The following CNTN2 variants were observed in gnomAD, a reference collection of about 807,000 sequenced individuals.
CNTN2 encodes contactin-2.
In CNTN2, 53 loss-of-function variants were observed where a neutral mutation model predicts 117.5. That is an observed-to-expected ratio of 0.45 (90% CI 0.36 to 0.57). CNTN2 has a LOEUF of 0.57. Among genes scored for constraint, CNTN2 ranks in the 20% least tolerant of loss-of-function variants. The probability of loss-of-function intolerance (pLI) is 0.00; values close to 1 mark genes in which losing one functional copy is unlikely to be tolerated. For synonymous variants in CNTN2, 530 were observed against 561.7 expected (o/e 0.94, Z 0.80); for missense variants, 1,106 against 1,404.3 (o/e 0.79, Z 3.39).
At chr1:205,064,534 T>A in intron 11 of CNTN2, 62 bp downstream of exon 11, 1 of 1,594,086 alleles carries the variant, frequency 6.3e-7, no homozygotes, top group Non-Finnish European at 8.6e-7. Flanking sequence ...GGAGGCCAAT[T>A]CCCCTCCTGT....
In CNTN2 at chr1:205,070,025, G is replaced by A. The variant is rs766215909; in HGVS notation, c.2395G>A (p.Glu799Lys). The change falls in exon 18 of 23, where the codon GAG becomes AAG. Residue 799 changes from glutamate (E) to lysine (K), a missense_variant. Glu to Lys is a moderately conservative substitution (Grantham distance 56). Coordinates refer to ENST00000331830, the MANE Select transcript of CNTN2 (RefSeq NM_005076.5). ...RSYNRRGDGP[E>K]SLTALVYSAE... ...CTACAACCGCCGCGGGGATGGGCCC[G>A]AGAGCCTCACTGCACTCGTGTACTC... 2.5e-6 allele frequency: 4 copies of A among 1,613,800 alleles called. No individual in the cohort carries two copies. The highest frequency in any genetic ancestry group is 2.5e-6 in the Non-Finnish European group (3 of 1,180,034).
In CNTN2 at chr1:205,053,100, G is replaced by GTCCTT. The variant is rs2096455712; in HGVS notation, c.-83_-79dup. ...CCCTCCTTTCTGTCTGCCTCCCCAG[G>GTCCTT]TCCTTTCTCAGCCTCCAGCTGGGCT... On this transcript the variant is annotated splice_region_variant and 5_prime_UTR_variant, in exon 2 of 23. Coordinates refer to ENST00000331830, the MANE Select transcript of CNTN2 (RefSeq NM_005076.5). The GTCCTT allele has an allele frequency of 9.8e-7, 1 of 1,019,596 alleles. No homozygotes were observed. The highest frequency in any genetic ancestry group is 1.4e-6 in the Non-Finnish European group (1 of 700,628). 63.2% of individuals were successfully genotyped at this position (1,019,596 alleles called of 1,614,324 possible).
rs1405985965 is a variant in CNTN2, at chr1:205,064,663, A to G, written c.1432A>G (p.Ile478Val). The G allele has an allele frequency of 1.2e-6, 2 of 1,614,178 alleles. No homozygotes were observed. The highest frequency in any genetic ancestry group is 2.2e-5 in the East Asian group (1 of 44,882). ...AGATGGCACCTTGATCATAAGAAAC[A>G]TCAGCCGGTCAGATGAAGGCAAATA... Reference protein sequence around the residue: ...TPDGTLIIRNISRSDEGKYTC... With the variant: ...TPDGTLIIRNVSRSDEGKYTC... Residue 478 changes from isoleucine to valine, a missense_variant, in exon 12 of 23, where the codon ATC becomes GTC. Transcript: ENST00000331830.
chr1:205,049,495 C>T (rs1375664305), intron 1 of CNTN2, among the ~76,000 whole-genome samples: 2 of 152,108 alleles, frequency 1.3e-5, no homozygotes, highest in African/African-American at 2.4e-5. Context: ...CACAGACGCG[C>T]ACACACACCC....
At chr1:205,051,366 T>G (rs115242946) in intron 1 of CNTN2, among the ~76,000 whole-genome samples, 4 of 152,168 alleles carry the variant, frequency 2.6e-5, no homozygotes, top group African/African-American at 9.7e-5. Context: ...GGATGAGACA[T>G]GGACAGGGCC....
rs4017875 is a variant in CNTN2 at position 205,048,910 on chromosome 1, CGTGTGT to C, written c.-86-4145_-86-4140del. The stretch of plus-strand genomic sequence containing the variant: ...GCTCCAGCCTTTAGCCCAGACTCTG[CGTGTGT>C]GTGTGTGTGTGTGTGTGTGTGTGTG... On this transcript the variant is annotated intron_variant, in intron 1 of 22. Transcript: ENST00000331830. The surrounding 1 kb of genome is among the most constrained non-coding windows in gnomAD (Gnocchi z 4.1). 0.11 allele frequency among the ~76,000 whole-genome samples: 13,846 copies of C among 127,686 alleles called. 803 individuals carry two copies. Among genetic ancestry groups the C allele is most frequent in the East Asian group, 0.24 (1,003 of 4,136 alleles). The allele number at this position is 127,686 out of a possible 152,430, so 83.8% of individuals were successfully genotyped here.
In CNTN2 at chr1:205,048,772, C is replaced by T. The variant is rs1390029298; in HGVS notation, c.-86-4328C>T. Among the ~76,000 whole-genome samples the T allele has an allele frequency of 2.6e-5, 4 of 152,176 alleles. No homozygotes were observed. Among genetic ancestry groups the T allele is most frequent in the Non-Finnish European group, 4.4e-5 (3 of 68,028 alleles). ...CTCTGTAGAGGCAGTAATTTTATTA[C>T]TGTCTCCCCTGTGCTTAGCACAATG... On this transcript the variant is annotated intron_variant, in intron 1 of 22. Coordinates refer to ENST00000331830, the MANE Select transcript of CNTN2 (RefSeq NM_005076.5). This position sits in a 1 kb window ranked among gnomAD's most constrained non-coding sequence, Gnocchi z 4.1.
Position 205,061,335 on chromosome 1 carries a change from C to T in CNTN2, c.888C>T (p.Val296=), listed in dbSNP as rs1241754708. 1.2e-6 allele frequency: 2 copies of T among 1,614,104 alleles called. No individual in the cohort carries two copies. The highest frequency in any genetic ancestry group is 2.7e-5 in the African/African-American group (2 of 75,052). Reference sequence around the variant, plus strand: ...AGCCCACCCTGCAGATCCCCAGCGTCAGCTTTGAGGATGAGGGCACCTACG... The same window carrying T: ...AGCCCACCCTGCAGATCCCCAGCGTTAGCTTTGAGGATGAGGGCACCTACG... ...TAEPTLQIPS[V]SFEDEGTYEC... is the part of the protein sequence containing the mutation. Residue 296 remains valine (V), a synonymous_variant, in exon 8 of 23, where the codon GTC becomes GTT. Coordinates refer to ENST00000331830, the MANE Select transcript of CNTN2 (RefSeq NM_005076.5). This position sits in a 1 kb window ranked among gnomAD's most constrained non-coding sequence, Gnocchi z 4.8.
intron 1 of CNTN2, among the ~76,000 whole-genome samples, chr1:205,044,828 GCC>G (rs949774356): frequency 3.3e-5 from 5 of 152,176 alleles, no homozygotes; most frequent in African/African-American, 7.2e-5. Flanking sequence ...CACAACAGGT[GCC>G]CTCACTCCTG....
At position 205,058,074 on chromosome 1, in the gene CNTN2, T is replaced by G. The variant is rs1251582384; in HGVS notation, c.215+9T>G. 1 of 1,612,742 alleles carries G rather than the reference T, an allele frequency of 6.2e-7. No homozygotes were observed. Among genetic ancestry groups the G allele is most frequent in the Non-Finnish European group, 8.5e-7 (1 of 1,179,604 alleles). On this transcript the variant is annotated intron_variant, in intron 3 of 22. Coordinates refer to ENST00000331830, the MANE Select transcript of CNTN2 (RefSeq NM_005076.5). The surrounding 1 kb of genome is among the most constrained non-coding windows in gnomAD (Gnocchi z 4.3). ...CCTCCAGCCACCTATCGGTAAGGCCTCTGCAGTGGGTGCTGGGAGGCCCTG... is the reference window on the plus strand; with the variant it reads ...CCTCCAGCCACCTATCGGTAAGGCCGCTGCAGTGGGTGCTGGGAGGCCCTG...
Position 205,059,384 on chromosome 1 carries a change from C to A in CNTN2, c.697+91C>A, listed in dbSNP as rs977108952. ...GTTTTTCCTTTGGAGATTGGAAGAT[C>A]AGCTTGCAGGGCACTGATTCCAGGC... is the stretch of plus-strand genomic sequence containing the variant. On this transcript the variant is annotated intron_variant, in intron 6 of 22. Transcript: ENST00000331830. The surrounding 1 kb of genome is among the most constrained non-coding windows in gnomAD (Gnocchi z 5.6). 38 of 1,350,908 alleles carry A rather than the reference C, an allele frequency of 2.8e-5. No individual in the cohort carries two copies. The highest frequency in any genetic ancestry group is 3.7e-5 in the Non-Finnish European group (36 of 970,404). 83.7% of individuals were successfully genotyped at this position (1,350,908 alleles called of 1,614,324 possible). A position where few individuals can be genotyped will look rare whatever the true frequency, so the allele number is the denominator to read the frequency against.
rs1350337409 is a variant in CNTN2 at position 205,078,235 on chromosome 1, G to T, written c.*4470G>T. ...CAGAGCACAGGCAGGCATTTGGCTA[G>T]AATCAGTTGGCTTTACCTAATACAG... On this transcript the variant is annotated 3_prime_UTR_variant, in exon 23 of 23. Transcript: ENST00000331830. 1 of 152,292 alleles carries T rather than the reference G, an allele frequency of 6.6e-6. No individual in the cohort carries two copies. The highest frequency in any genetic ancestry group is 1.5e-5 in the Non-Finnish European group (1 of 68,082). 9.4% of individuals were successfully genotyped at this position (152,292 alleles called of 1,614,324 possible).
intron 1 of CNTN2, among the ~76,000 whole-genome samples, chr1:205,043,694 T>C (rs1009880809): frequency 2.0e-5 from 3 of 152,126 alleles, no homozygotes; most frequent in Admixed American, 2.0e-4. Flanking sequence ...CAGCGGGCAG[T>C]GGCAGCTGCC....
chr1:205,059,755 CAG>C lies in CNTN2; in HGVS notation c.797+76_797+77del, dbSNP rs35182846. 536,269 of 1,250,506 alleles carry C rather than the reference CAG, an allele frequency of 0.43. 128,447 individuals are homozygous for C. Among genetic ancestry groups the C allele is most frequent in the Non-Finnish European group, 0.5 (428,694 of 852,018 alleles). 77.5% of individuals were successfully genotyped at this position (1,250,506 alleles called of 1,614,324 possible). A position where few individuals can be genotyped will look rare whatever the true frequency, so the allele number is the denominator to read the frequency against. On this transcript the variant is annotated intron_variant, in intron 7 of 22. Coordinates refer to ENST00000331830, the MANE Select transcript of CNTN2 (RefSeq NM_005076.5). The surrounding 1 kb of genome is among the most constrained non-coding windows in gnomAD (Gnocchi z 5.6). Reference sequence around the variant, plus strand: ...CAGGTGACCCCAGGGTGAGGGCAGGCAGAGTCAGGGCTCTTATCTTGGTGTCC... The same window carrying C: ...CAGGTGACCCCAGGGTGAGGGCAGGCAGTCAGGGCTCTTATCTTGGTGTCC...
intron 2 of CNTN2, 75 bp downstream of exon 2, chr1:205,053,330 A>AT: frequency 7.9e-7 from 1 of 1,261,396 alleles, no homozygotes; most frequent in Non-Finnish European, 1.1e-6. Flanking sequence ...GATTTGGGTG[A>AT]CGATTACAGA....
Position 205,073,558 on chromosome 1 carries a change from TG to T in CNTN2, c.3014-96del. On this transcript the variant is annotated intron_variant, in intron 22 of 22. Transcript: ENST00000331830. This position sits in a 1 kb window ranked among gnomAD's most constrained non-coding sequence, Gnocchi z 6.3. ...AGCCGTCCGCTCCCAGGCCTGCAGCTGGCCCTGTGAGTCTCCTTAGGAAAGG... is the reference window on the plus strand; with the variant it reads ...AGCCGTCCGCTCCCAGGCCTGCAGCTGCCCTGTGAGTCTCCTTAGGAAAGG... The T allele has an allele frequency of 9.2e-7, 1 of 1,086,814 alleles. No homozygotes were observed. The highest frequency in any genetic ancestry group is 1.4e-6 in the Non-Finnish European group (1 of 737,106). 67.3% of individuals were successfully genotyped at this position (1,086,814 alleles called of 1,614,324 possible).
Position 205,073,323 on chromosome 1 carries a change from C to G in CNTN2, c.3013+87C>G. ...AGGATCATTCCCACCCAGGCCAACT[C>G]CAATCTCTACCCGCAAAGGAAAGTG... On this transcript the variant is annotated intron_variant, in intron 22 of 22. Coordinates refer to ENST00000331830, the MANE Select transcript of CNTN2 (RefSeq NM_005076.5). The surrounding 1 kb of genome is among the most constrained non-coding windows in gnomAD (Gnocchi z 6.3). 6.8e-7 allele frequency: 1 copy of G among 1,469,186 alleles called. No individual in the cohort carries two copies. The allele number at this position is 1,469,186 out of a possible 1,614,324, so 91.0% of individuals were successfully genotyped here.
chr1:205,071,595 G>T (rs2151199688), intron 19 of CNTN2, among the ~76,000 whole-genome samples: 1 of 152,312 alleles, frequency 6.6e-6, no homozygotes, highest in Admixed American at 6.5e-5. Context: ...GGACTACTTT[G>T]CAATACAAAT....
intron 9 of CNTN2, 50 bp downstream of exon 9, chr1:205,062,051 C>T (rs1185937242): frequency 1.9e-6 from 3 of 1,590,508 alleles, no homozygotes; most frequent in Non-Finnish European, 2.6e-6. Flanking sequence ...CCTCTGCTCA[C>T]TTGGTTCCCT....
Sources: gnomAD v4.1 joint callset for allele counts (sites outside exome capture counted in the v4.1 genomes callset) on GRCh38, gnomAD v4.1.1 for gene constraint, Gnocchi (gnomAD v3.1) non-coding constraint, MANE v1.5 for transcripts, NCBI Gene and HGNC (gene_info 2026-07-23, HGNC 2026-07-21) for gene names.